Variants in RASGRF2 observed in about 807,000 individuals in gnomAD.
RASGRF2 encodes the protein Ras protein specific guanine nucleotide releasing factor 2.
A neutral mutation model predicts 151.0 loss-of-function variants in RASGRF2; 76 were observed. The observed-to-expected ratio is 0.50, with a 90% CI of 0.42 to 0.61. The LOEUF is 0.61. RASGRF2 is among the 20% of genes least tolerant of loss of function. The probability of loss-of-function intolerance (pLI) is 0.00; values close to 1 mark genes in which losing one functional copy is unlikely to be tolerated. For missense variants in RASGRF2, 1,148 were observed against 1,564.6 expected, an observed-to-expected ratio of 0.73 and a Z score of 4.49; for synonymous variants, 504 against 566.5, an observed-to-expected ratio of 0.89 and a Z score of 1.57.
intron 1 of RASGRF2, among the ~76,000 whole-genome samples, chr5:80,988,233 T>C (rs1366146836): frequency 6.6e-6 from 1 of 152,002 alleles, no homozygotes; most frequent in East Asian, 1.9e-4. Flanking sequence ...GTATTTTTTG[T>C]AGAGACGAGG....
intron 17 of RASGRF2, among the ~76,000 whole-genome samples, chr5:81,179,271 T>C (rs1754857983): frequency 2.0e-5 from 3 of 152,216 alleles, no homozygotes; most frequent in Non-Finnish European, 1.5e-5. Flanking sequence ...GTAGCTAACA[T>C]TTATTACAGT....
At chr5:81,004,291 G>A (rs1749192607) in intron 1 of RASGRF2, among the ~76,000 whole-genome samples, 1 of 152,234 alleles carries the variant, frequency 6.6e-6, no homozygotes, top group Non-Finnish European at 1.5e-5. Flanking sequence ...CTCAGCTACT[G>A]TTTTTGATGT....
Position 81,180,051 on chromosome 5 carries a change from A to G in RASGRF2, c.2687-124A>G, listed in dbSNP as rs943787471. On this transcript the variant is annotated intron_variant, in intron 17 of 26. Transcript: ENST00000265080. ...TTCACAATAGTCTGAAGCCACGCGC[A>G]CCTCTCTGCCAAGAAGTGTCATCTG... The G allele has an allele frequency of 6.3e-6, 4 of 637,124 alleles. No individual in the cohort carries two copies. In the African/African-American group the frequency reaches 7.2e-5, roughly 11 times the overall value. 39.5% of individuals were successfully genotyped at this position (637,124 alleles called of 1,614,324 possible).
At position 81,095,072 on chromosome 5, in the gene RASGRF2, TTA is replaced by T. The variant is rs1287719992; in HGVS notation, c.1755+82_1755+83del. On this transcript the variant is annotated intron_variant, in intron 12 of 26. Transcript: ENST00000265080. ...TTTGGAGATAGTTTTTAGAGGTTTT[TTA>T]TCTTTATTAAAAAATTACACTCAGT... 3 of 1,127,354 alleles carry T rather than the reference TTA, an allele frequency of 2.7e-6. No individual in the cohort carries two copies. The East Asian group carries it at 9.3e-5, about 35-fold the overall frequency. The allele number at this position is 1,127,354 out of a possible 1,614,324, so 69.8% of individuals were successfully genotyped here.
At chr5:81,087,660 A>T in intron 9 of RASGRF2, 1 of 416,996 alleles carries the variant, frequency 2.4e-6, no homozygotes, top group Non-Finnish European at 4.3e-6. Flanking sequence ...CGTAAACCAC[A>T]TCCCAAGTTA....
intron 13 of RASGRF2, 112 bp downstream of exon 13, chr5:81,109,190 T>C (rs1237288835): frequency 7.0e-7 from 1 of 1,434,476 alleles, no homozygotes; most frequent in Non-Finnish European, 9.2e-7. Flanking sequence ...GTTGAGAATA[T>C]GTTTCTTGAC....
At chr5:81,142,537 C>T (rs2112603635) in intron 17 of RASGRF2, among the ~76,000 whole-genome samples, 1 of 152,270 alleles carries the variant, frequency 6.6e-6, no homozygotes, top group Non-Finnish European at 1.5e-5. Context: ...ATGGGGCCCT[C>T]ACCATCTTTT....
At chr5:81,028,475 A>G (rs751035507) in intron 1 of RASGRF2, among the ~76,000 whole-genome samples, 4 of 152,016 alleles carry the variant, frequency 2.6e-5, no homozygotes, top group East Asian at 3.9e-4. Flanking sequence ...CTCCAATTCT[A>G]TATATCTATC....
chr5:80,962,527 A>G (rs1470052464), intron 1 of RASGRF2, among the ~76,000 whole-genome samples: 3 of 152,064 alleles, frequency 2.0e-5, no homozygotes, highest in South Asian at 2.1e-4. Context: ...GGTATTTTAA[A>G]TTACTCAGGA....
At chr5:81,219,842 C>A in intron 26 of RASGRF2, 64 bp downstream of exon 26, 3 of 1,324,796 alleles carry the variant, frequency 2.3e-6, no homozygotes, top group South Asian at 1.3e-5. Context: ...AATTAGAAAA[C>A]AACAGTAAAA....
At position 81,080,779 on chromosome 5, in the gene RASGRF2, C is replaced by T. The variant is rs1278654917; in HGVS notation, c.1151C>T (p.Pro384Leu). Residue 384 changes from proline to leucine, a missense_variant, in exon 7 of 27, where the codon CCC becomes CTC. Pro to Leu is a moderately conservative substitution (Grantham distance 98). Transcript: ENST00000265080. Reference sequence around the variant, plus strand: ...ATGCTGGAGACATTCTTGACCTATCCCATGTTTCAGGTAAGTCACTTGGGA... The same window carrying T: ...ATGCTGGAGACATTCTTGACCTATCTCATGTTTCAGGTAAGTCACTTGGGA... Reference protein sequence around the residue: ...GRMLETFLTYPMFQIPRYIIT... With the variant: ...GRMLETFLTYLMFQIPRYIIT... 6.2e-7 allele frequency: 1 copy of T among 1,612,900 alleles called. No individual in the cohort carries two copies.
chr5:81,015,676 A>G lies in RASGRF2; in HGVS notation c.289-27201A>G, dbSNP rs553720225. Among the ~76,000 whole-genome samples the G allele has an allele frequency of 6.1e-4, 93 of 151,868 alleles. No homozygotes were observed. The South Asian group carries it at 0.019, about 31-fold the overall frequency. On this transcript the variant is annotated intron_variant, in intron 1 of 26. Coordinates refer to ENST00000265080, the MANE Select transcript of RASGRF2 (RefSeq NM_006909.3). ...TAAATACATTAATTAGTCCTTTTAT[A>G]TTGTTGTTGCTTCATGAGCATATGA...
intron 1 of RASGRF2, among the ~76,000 whole-genome samples, chr5:80,998,290 G>T (rs1252638886): frequency 6.6e-6 from 1 of 152,052 alleles, no homozygotes; most frequent in East Asian, 1.9e-4. Context: ...ACTTTCAACA[G>T]TACCTTTTGA....
At chr5:81,140,175 T>C (rs982031301) in intron 17 of RASGRF2, among the ~76,000 whole-genome samples, 1 of 152,140 alleles carries the variant, frequency 6.6e-6, no homozygotes, top group African/African-American at 2.4e-5. Context: ...ATAGGCCTTG[T>C]TCAGAATCAC....
intron 17 of RASGRF2, among the ~76,000 whole-genome samples, chr5:81,178,840 G>A (rs1470345657): frequency 2.0e-5 from 3 of 152,192 alleles, no homozygotes; most frequent in South Asian, 4.1e-4. Context: ...CCGGGTTCAC[G>A]CCATTCTCCT....
chr5:81,125,599 C>T (rs1329854969), intron 16 of RASGRF2, among the ~76,000 whole-genome samples: 2 of 152,140 alleles, frequency 1.3e-5, no homozygotes, highest in Non-Finnish European at 2.9e-5. Context: ...TTCATTGTAA[C>T]CTGGAAGAGT....
At chr5:81,138,488 T>C (rs979928637) in intron 17 of RASGRF2, among the ~76,000 whole-genome samples, 2 of 152,166 alleles carry the variant, frequency 1.3e-5, no homozygotes, top group Non-Finnish European at 2.9e-5. Context: ...GCCCTGGGCA[T>C]ATTTCCAGTG....
chr5:81,212,681 A>G (rs768883905), intron 23 of RASGRF2, 118 bp downstream of exon 23: 20 of 995,878 alleles, frequency 2.0e-5, no homozygotes, highest in East Asian at 5.3e-5. Context: ...CTCAGTTGCC[A>G]AAGAAAGGTG....
chr5:81,149,757 A>G (rs73128867), intron 17 of RASGRF2, among the ~76,000 whole-genome samples: 7,583 of 152,206 alleles, frequency 0.05, 590 homozygotes, highest in African/African-American at 0.17. Context: ...AGCTTTATGC[A>G]TATATATTTC....
Sources: allele counts gnomAD v4.1 joint callset (sites outside exome capture counted in the v4.1 genomes callset), GRCh38; gene constraint gnomAD v4.1.1; transcripts MANE v1.5; gene names NCBI Gene and HGNC (gene_info 2026-07-23, HGNC 2026-07-21).